The following TKFC variants were observed in gnomAD, a reference collection of about 807,000 sequenced individuals.
TKFC encodes the protein triokinase/FMN cyclase.
In TKFC, 46 loss-of-function variants were observed where a neutral mutation model predicts 61.0. The observed-to-expected ratio is 0.75, with a 90% CI of 0.60 to 0.96. The LOEUF (loss-of-function observed/expected upper bound fraction) is 0.96, where lower values mean the gene tolerates loss of function less well. TKFC is among the 50% of genes least tolerant of loss of function. The pLI, the probability that TKFC is intolerant of heterozygous loss-of-function variation, is 0.00. For synonymous variants in TKFC, 314 were observed against 330.1 expected, an observed-to-expected ratio of 0.95 and a Z score of 0.53; for missense variants, 715 against 777.5, an observed-to-expected ratio of 0.92 and a Z score of 0.96.
Position 61,341,868 on chromosome 11 carries a change from A to G in TKFC, c.611A>G (p.Lys204Arg). 1 of 1,613,876 alleles carries G rather than the reference A, an allele frequency of 6.2e-7. No homozygotes were observed. The highest frequency in any genetic ancestry group is 8.5e-7 in the Non-Finnish European group (1 of 1,179,886). ...SLSSCSVPGS[K>R]PTFELSADEV... ...TCCTCCTGCAGCGTCCCTGGTTCCA[A>G]ACCCACCTTCGAGCTCTCAGCCGAC... Residue 204 changes from lysine to arginine, a missense_variant, in exon 7 of 18, where the codon AAA (lysine) becomes AGA (arginine). Physicochemically the swap from Lys to Arg is conservative, Grantham distance 26. Transcript: ENST00000394900.
At chr11:61,342,005 C>T in intron 7 of TKFC, 93 bp downstream of exon 7, 1 of 1,233,608 alleles carries the variant, frequency 8.1e-7, no homozygotes, top group Non-Finnish European at 1.1e-6. Flanking sequence ...ACCTGGTCCT[C>T]TCCCCAGGTG....
At chr11:61,342,067 T>C (rs1856879363) in intron 7 of TKFC, among the ~76,000 whole-genome samples, 155 bp downstream of exon 7, 1 of 152,178 alleles carries the variant, frequency 6.6e-6, no homozygotes, top group African/African-American at 2.4e-5. Context: ...CCAACCTGCC[T>C]GATTTCTACC....
chr11:61,337,172 G>A lies in TKFC; in HGVS notation c.4-769G>A, dbSNP rs146740268. 5.9e-3 allele frequency among the ~76,000 whole-genome samples: 892 copies of A among 152,216 alleles called. 5 individuals carry two copies. The highest frequency in any genetic ancestry group is 0.02 in the African/African-American group (813 of 41,522). ...TCTCTTTTTTTATTTCCGAGATGGA[G>A]TCTCACTCTGTCACCTAGGCTGGAG... On this transcript the variant is annotated intron_variant, in intron 2 of 17. Transcript: ENST00000394900.
chr11:61,336,249 G>T (rs1856602818), intron 2 of TKFC: 1 of 154,510 alleles, frequency 6.5e-6, no homozygotes, highest in Admixed American at 6.5e-5. Flanking sequence ...GCCCTGGCTG[G>T]ATGCAGGACA....
chr11:61,335,045 C>T (rs369366232), intron 2 of TKFC, among the ~76,000 whole-genome samples: 11 of 152,108 alleles, frequency 7.2e-5, no homozygotes, highest in Non-Finnish European at 1.3e-4. Context: ...GACATTGTAC[C>T]GGTCACAGAA....
At chr11:61,350,293 AG>A (rs1857335329), downstream of TKFC, 3 of 1,438,420 alleles carry the variant, frequency 2.1e-6, no homozygotes, top group Non-Finnish European at 1.9e-6. Flanking sequence ...CAGCATTGGA[AG>A]AAAGTCGCCT....
chr11:61,350,602 G>C, downstream of TKFC: 1 of 719,618 alleles, frequency 1.4e-6, no homozygotes, highest in Admixed American at 2.7e-5. Flanking sequence ...ATCCCATCAA[G>C]ACCTGCTCTG....
downstream of TKFC, chr11:61,353,312 A>G (rs929441360): frequency 1.3e-6 from 1 of 798,214 alleles, no homozygotes; most frequent in Non-Finnish European, 1.9e-6. Context: ...CCTATTACCC[A>G]AGCAACAAGA....
intron 7 of TKFC, 134 bp from the exon 8 acceptor site, chr11:61,342,327 A>C: frequency 8.7e-7 from 1 of 1,148,898 alleles, no homozygotes; most frequent in South Asian, 1.3e-5. Context: ...CGTGTTTTTC[A>C]TTATTCTGTC....
chr11:61,338,017 A>G lies in TKFC; in HGVS notation c.80A>G (p.Asn27Ser). The change falls in exon 3 of 18, where the codon AAC becomes AGC. Residue 27 changes from asparagine (N) to serine (S), a missense_variant. Physicochemically the swap from Asn to Ser is conservative, Grantham distance 46. Coordinates refer to ENST00000394900, the MANE Select transcript of TKFC (RefSeq NM_015533.4). Reference sequence around the variant, plus strand: ...GCTGGCCTGGTGGCCTGCAACCCCAACCTGCAGCTCCTGCAGGGCCACCGC... The same window carrying G: ...GCTGGCCTGGTGGCCTGCAACCCCAGCCTGCAGCTCCTGCAGGGCCACCGC... ...ALAGLVACNP[N>S]LQLLQGHRVA... 6.2e-7 allele frequency: 1 copy of G among 1,612,954 alleles called. No homozygotes were observed. The highest frequency in any genetic ancestry group is 8.5e-7 in the Non-Finnish European group (1 of 1,179,608).
At chr11:61,341,688 G>T (rs1856860747) in intron 6 of TKFC, 135 bp from the exon 7 acceptor site, 1 of 1,229,988 alleles carries the variant, frequency 8.1e-7, no homozygotes, top group African/African-American at 1.5e-5. Context: ...TACCATGGCT[G>T]AGGTGGAGAG....
At chr11:61,335,425 C>T (rs145072439) in intron 2 of TKFC, 1 of 152,608 alleles carries the variant, frequency 6.6e-6, no homozygotes, top group African/African-American at 2.4e-5. Context: ...TCCCTAAACC[C>T]TCTTCTGGCT....
At position 61,342,824 on chromosome 11, in the gene TKFC, A is replaced by T. The variant is rs755494014; in HGVS notation, c.845A>T (p.Asp282Val). The change falls in exon 10 of 18, where the codon GAC (aspartate) becomes GTC (valine). Residue 282 changes from aspartate (D) to valine (V), a missense_variant. Physicochemically the swap from Asp to Val is radical, Grantham distance 152. Transcript: ENST00000394900. Reference protein sequence around the residue: ...LSFLELGIIADATVRSLEGRG... With the variant: ...LSFLELGIIAVATVRSLEGRG... ...TTCCTGGAACTGGGCATCATAGCCG[A>T]CGCTACCGTCCGCTCCCTGGGTGAG... The T allele has an allele frequency of 6.2e-7, 1 of 1,613,968 alleles. No homozygotes were observed. Among genetic ancestry groups the T allele is most frequent in the East Asian group, 2.2e-5 (1 of 44,864 alleles).
At chr11:61,333,564 C>G (rs763094144) in intron 1 of TKFC, 3 of 152,436 alleles carry the variant, frequency 2.0e-5, no homozygotes, top group Non-Finnish European at 4.4e-5. Context: ...CCAGATCCAG[C>G]TGGTGCCCTC....
rs1416025283 is a variant in TKFC at position 61,339,448 on chromosome 11, C to T, written c.486+13C>T. The stretch of plus-strand genomic sequence containing the variant: ...GCTTATACACAAGGTGGGCTTCCAC[C>T]GGGGACGTGGAGACTGGCCAGCCCT... On this transcript the variant is annotated intron_variant, in intron 5 of 17. Coordinates refer to ENST00000394900, the MANE Select transcript of TKFC (RefSeq NM_015533.4). 6.9e-6 allele frequency: 11 copies of T among 1,596,658 alleles called. No individual in the cohort carries two copies. Among genetic ancestry groups the T allele is most frequent in the Admixed American group, 6.8e-5 (4 of 58,768 alleles).
At position 61,346,663 on chromosome 11, in the gene TKFC, TAC is replaced by T. The variant is rs533590603; in HGVS notation, c.*162_*163del. 1.4e-3 allele frequency: 2,024 copies of T among 1,442,570 alleles called. 6 individuals are homozygous for T. The highest frequency in any genetic ancestry group is 9.1e-3 in the Admixed American group (332 of 36,408). 89.4% of individuals were successfully genotyped at this position (1,442,570 alleles called of 1,614,324 possible). A position where few individuals can be genotyped will look rare whatever the true frequency, so the allele number is the denominator to read the frequency against. ...AAATCCTCCACCAAGCTTCCAGAAC[TAC>T]AGACAGCACCCAGAGTGAGCTGGAG... On this transcript the variant is annotated 3_prime_UTR_variant, in exon 18 of 18. Transcript: ENST00000394900. This position sits in a 1 kb window ranked among gnomAD's most constrained non-coding sequence, Gnocchi z 4.1.
intron 12 of TKFC, 29 bp downstream of exon 12, chr11:61,344,004 C>T: frequency 6.2e-7 from 1 of 1,607,484 alleles, no homozygotes; most frequent in Non-Finnish European, 8.5e-7. Flanking sequence ...GGGGAAGGGA[C>T]AGGCTTCCCA....
rs1449799229 is a variant in TKFC, at chr11:61,346,130, A to G, written c.1575+184A>G. ...TAAGGAAATATGTAGAGCCCCGCAC[A>G]CTGCCTGGGATGTGACAGGGCCTCA... On this transcript the variant is annotated intron_variant, in intron 17 of 17. Coordinates refer to ENST00000394900, the MANE Select transcript of TKFC (RefSeq NM_015533.4). The surrounding 1 kb of genome is among the most constrained non-coding windows in gnomAD (Gnocchi z 4.1). 11 of 1,199,030 alleles carry G rather than the reference A, an allele frequency of 9.2e-6. No homozygotes were observed. The highest frequency in any genetic ancestry group is 1.5e-5 in the African/African-American group (1 of 65,366). The allele number at this position is 1,199,030 out of a possible 1,614,324, so 74.3% of individuals were successfully genotyped here.
Position 61,347,035 on chromosome 11 carries a change from C to G in TKFC, c.*532C>G, listed in dbSNP as rs1456328515. The G allele has an allele frequency of 8.1e-6, 8 of 985,980 alleles. No individual in the cohort carries two copies. The highest frequency in any genetic ancestry group is 9.6e-6 in the Non-Finnish European group (8 of 830,478). The allele number at this position is 985,980 out of a possible 1,614,324, so 61.1% of individuals were successfully genotyped here. On this transcript the variant is annotated 3_prime_UTR_variant, in exon 18 of 18. Coordinates refer to ENST00000394900, the MANE Select transcript of TKFC (RefSeq NM_015533.4). ...ACCAGGCAGATCTTTATTACCTGAGCCCCTAAGGCAGTGTCTCCTCAGCTG... is the reference window on the plus strand; with the variant it reads ...ACCAGGCAGATCTTTATTACCTGAGGCCCTAAGGCAGTGTCTCCTCAGCTG...
Sources: allele counts gnomAD v4.1 joint callset (sites outside exome capture counted in the v4.1 genomes callset), GRCh38; gene constraint gnomAD v4.1.1; non-coding constraint Gnocchi (gnomAD v3.1); transcripts MANE v1.5; gene names NCBI Gene and HGNC (gene_info 2026-07-23, HGNC 2026-07-21).